Variants in FANCI observed in about 807,000 individuals in gnomAD.
The protein encoded by FANCI is FA complementation group I.
FANCI carries 156 observed loss-of-function variants against 176.1 expected under a neutral mutation model. The observed-to-expected ratio is 0.89, with a 90% CI of 0.78 to 1.01. The LOEUF (loss-of-function observed/expected upper bound fraction) is 1.01, where lower values mean the gene tolerates loss of function less well. FANCI is among the 50% of genes least tolerant of loss of function. The pLI, the probability that FANCI is intolerant of heterozygous loss-of-function variation, is 0.00. For missense variants in FANCI, 1,678 were observed against 1,534.1 expected, an observed-to-expected ratio of 1.09 and a Z score of -1.57; for synonymous variants, 613 against 541.7, an observed-to-expected ratio of 1.13 and a Z score of -1.83.
intron 19 of FANCI, among the ~76,000 whole-genome samples, chr15:89,290,883 T>C (rs971413566): frequency 6.6e-6 from 1 of 152,202 alleles, no homozygotes; most frequent in African/African-American, 2.4e-5. Context: ...TGTGAAATTA[T>C]TGGAAGTTCC....
In FANCI at chr15:89,309,035, ACT is replaced by A. The variant is rs199936465; in HGVS notation, c.3651+1368_3651+1369del. 5.9e-4 allele frequency among the ~76,000 whole-genome samples: 90 copies of A among 151,720 alleles called. 1 individual carries two copies. In the East Asian group the frequency reaches 0.014, roughly 24 times the overall value. On this transcript the variant is annotated intron_variant, in intron 34 of 37. Coordinates refer to ENST00000310775, the MANE Select transcript of FANCI (RefSeq NM_001113378.2). ...TCTTAGTAATGGGCTGATAGTTGAG[ACT>A]CTCTGTCACCTTGCCTTTGTATCAG...
Position 89,281,301 on chromosome 15 carries a change from G to A in FANCI, c.1512+1G>A, listed in dbSNP as rs2151551135. The stretch of plus-strand genomic sequence containing the variant: ...ACAAAGGCTGCTTAAGGCAGTGCAG[G>A]TAAGTCTTCAGATTCCCAAGTAACT... On this transcript the variant is annotated splice_donor_variant, in intron 15 of 37. Coordinates refer to ENST00000310775, the MANE Select transcript of FANCI (RefSeq NM_001113378.2). LOFTEE classifies it high-confidence loss of function. 6.2e-7 allele frequency: 1 copy of A among 1,613,600 alleles called. No homozygotes were observed.
intron 34 of FANCI, among the ~76,000 whole-genome samples, chr15:89,310,597 T>C (rs938835306): frequency 9.9e-5 from 15 of 152,252 alleles, no homozygotes; most frequent in Non-Finnish European, 2.9e-5. Flanking sequence ...TTTTTCTGTT[T>C]TTGTGAGATG....
At chr15:89,296,346 G>T (rs562226075) in intron 24 of FANCI, among the ~76,000 whole-genome samples, 1 of 149,794 alleles carries the variant, frequency 6.7e-6, no homozygotes, top group Non-Finnish European at 1.5e-5. Flanking sequence ...GGGCTCAAGC[G>T]ATACGCCCAT....
At chr15:89,270,597 G>T (rs1267312699) in intron 10 of FANCI, among the ~76,000 whole-genome samples, 1 of 149,894 alleles carries the variant, frequency 6.7e-6, no homozygotes, top group African/African-American at 2.5e-5. Context: ...TCTTTCTTTC[G>T]GCATTATTAG....
intron 2 of FANCI, among the ~76,000 whole-genome samples, chr15:89,256,730 A>G (rs1331289895): frequency 2.0e-5 from 3 of 152,090 alleles, no homozygotes; most frequent in African/African-American, 7.2e-5. Flanking sequence ...AGTGGTTCTG[A>G]GCCTCACAGC....
intron 17 of FANCI, among the ~76,000 whole-genome samples, chr15:89,284,587 G>A (rs2053744625): frequency 6.6e-6 from 1 of 152,168 alleles, no homozygotes; most frequent in Non-Finnish European, 1.5e-5. Flanking sequence ...ACATTACTGT[G>A]ATGCCTGGAG....
intron 25 of FANCI, 86 bp from the exon 26 acceptor site, chr15:89,300,214 T>A: frequency 7.5e-7 from 1 of 1,333,512 alleles, no homozygotes; most frequent in Non-Finnish European, 1.1e-6. Context: ...TAGACTTTTT[T>A]TTGGCTTTCA....
chr15:89,294,784 G>T lies in FANCI; in HGVS notation c.2457-131G>T, dbSNP rs374684852. ...ATAGCTTGGGCTGCCTAGAGAGTCT[G>T]CCAGTCGGAACTTACTGGCAAGCTC... is the stretch of plus-strand genomic sequence containing the variant. On this transcript the variant is annotated intron_variant, in intron 23 of 37. Coordinates refer to ENST00000310775, the MANE Select transcript of FANCI (RefSeq NM_001113378.2). 1.3e-5 allele frequency: 11 copies of T among 865,692 alleles called. No individual in the cohort carries two copies. The African/African-American group carries it at 1.5e-4, about 12-fold the overall frequency. The allele number at this position is 865,692 out of a possible 1,614,324, so 53.6% of individuals were successfully genotyped here. A position where few individuals can be genotyped will look rare whatever the true frequency, so the allele number is the denominator to read the frequency against.
At chr15:89,309,884 C>T (rs1421046588) in intron 34 of FANCI, among the ~76,000 whole-genome samples, 1 of 152,152 alleles carries the variant, frequency 6.6e-6, no homozygotes, top group African/African-American at 2.4e-5. Flanking sequence ...ATTTACTACC[C>T]TTGTTATGAT....
At chr15:89,303,986 A>T (rs2054619074) in intron 28 of FANCI, 71 bp downstream of exon 28, 1 of 1,419,818 alleles carries the variant, frequency 7.0e-7, no homozygotes. Context: ...TTTGGAAAAG[A>T]AAAGGTATTC....
At chr15:89,309,449 T>C (rs1436682596) in intron 34 of FANCI, among the ~76,000 whole-genome samples, 1 of 152,140 alleles carries the variant, frequency 6.6e-6, no homozygotes, top group Non-Finnish European at 1.5e-5. Flanking sequence ...TGGTGTCCAT[T>C]TGCATATTAA....
chr15:89,282,412 CTTTA>C (rs774211870), intron 16 of FANCI: 9 of 162,640 alleles, frequency 5.5e-5, no homozygotes, highest in Non-Finnish European at 1.1e-4. Flanking sequence ...ACATCTCTTC[CTTTA>C]TTTCTTAGTA....
Position 89,290,246 on chromosome 15 carries a change from C to A in FANCI, c.1855C>A (p.Leu619Met). 9 of 1,613,982 alleles carry A rather than the reference C, an allele frequency of 5.6e-6. No homozygotes were observed. The highest frequency in any genetic ancestry group is 7.6e-6 in the Non-Finnish European group (9 of 1,179,888). ...TGATGTTCTTCGAAGGAACTCTCAG[C>A]TGGCTAATTCAGTCATGCAAACTCT... ...FYDVLRRNSQ[L>M]ANSVMQTLLS... The change falls in exon 19 of 38, where the codon CTG (leucine) becomes ATG (methionine). Residue 619 changes from leucine (L) to methionine (M), a missense_variant. Leu to Met is a conservative substitution (Grantham distance 15). This residue lies in a region of FANCI where 1,204 missense variants were observed against 1,077.4 expected (regional missense o/e 1.12). Coordinates refer to ENST00000310775, the MANE Select transcript of FANCI (RefSeq NM_001113378.2).
intron 9 of FANCI, among the ~76,000 whole-genome samples, chr15:89,267,208 T>A (rs2052999849): frequency 6.6e-6 from 1 of 151,880 alleles, no homozygotes; most frequent in Admixed American, 6.6e-5. Context: ...TAGTCCCAAC[T>A]ACTTGGGAGG....
intron 9 of FANCI, among the ~76,000 whole-genome samples, chr15:89,265,575 G>A (rs2052909526): frequency 6.6e-6 from 1 of 150,636 alleles, no homozygotes; most frequent in East Asian, 2.0e-4. Flanking sequence ...CCAGACTGGA[G>A]TGCAGTGGTA....
intron 23 of FANCI, 77 bp from the exon 24 acceptor site, chr15:89,294,838 C>T: frequency 6.9e-7 from 1 of 1,459,644 alleles, no homozygotes; most frequent in Non-Finnish European, 9.2e-7. Flanking sequence ...TGAACAATTT[C>T]TAGAAAGCTT....
At chr15:89,288,936 C>T (rs531374947) in intron 18 of FANCI, among the ~76,000 whole-genome samples, 10 of 151,746 alleles carry the variant, frequency 6.6e-5, no homozygotes, top group South Asian at 4.2e-4. Context: ...CTACCGTGCC[C>T]GGCCCATCTT....
Position 89,263,905 on chromosome 15 carries a change from A to T in FANCI, c.548A>T (p.Asp183Val). ...CCTTTAGAATCTTTGATCCACAGGG[A>T]TGTCCCTCTGACTGCAGAAGAGGTG... is the stretch of plus-strand genomic sequence containing the variant. ...YVIQLTSMFK[D>V]VPLTAEEVEF... Residue 183 changes from aspartate to valine, a missense_variant and splice_region_variant, in exon 8 of 38, where the codon GAT (aspartate) becomes GTT (valine). This residue lies in a region of FANCI where 469 missense variants were observed against 436.9 expected (regional missense o/e 1.07). Coordinates refer to ENST00000310775, the MANE Select transcript of FANCI (RefSeq NM_001113378.2). The T allele has an allele frequency of 1.2e-6, 2 of 1,614,092 alleles. No homozygotes were observed. Among genetic ancestry groups the T allele is most frequent in the African/African-American group, 1.3e-5 (1 of 75,064 alleles).
Sources: allele counts gnomAD v4.1 joint callset (sites outside exome capture counted in the v4.1 genomes callset), GRCh38; gene constraint gnomAD v4.1.1; regional missense constraint gnomAD v4.1.1; transcripts MANE v1.5; gene names NCBI Gene and HGNC (gene_info 2026-07-23, HGNC 2026-07-21).